The following LYPLAL1 variants were observed in gnomAD, a reference collection of about 807,000 sequenced individuals.
LYPLAL1 encodes the protein lysophospholipase like 1, also known as lysophospholipase-like protein 1.
LYPLAL1 carries 23 observed loss-of-function variants against 19.7 expected under a neutral mutation model. The observed-to-expected ratio is 1.17, with a 90% confidence interval of 0.84 to 1.65. The LOEUF (loss-of-function observed/expected upper bound fraction) is 1.65. Among genes scored for constraint, LYPLAL1 ranks in the 40% most tolerant of loss-of-function variants. LYPLAL1 has a pLI of 0.00. For synonymous variants in LYPLAL1, 119 were observed against 96.3 expected (o/e 1.24, Z -1.38); for missense variants, 355 against 279.4 (o/e 1.27, Z -1.93).
chr1:219,193,002 A>G, intron 2 of LYPLAL1, 80 bp from the exon 3 acceptor site: 1 of 1,347,786 alleles, frequency 7.4e-7, no homozygotes, highest in South Asian at 1.5e-5. Flanking sequence ...TCAAAACACT[A>G]TTATTTTGGT....
the LYPLAL1 span, among the ~76,000 whole-genome samples, chr1:219,355,217 G>A: frequency 2.0e-5 from 3 of 152,164 alleles, no homozygotes; most frequent in African/African-American, 7.2e-5. Flanking sequence ...ATTGAATTAA[G>A]GAACTGATAT....
the LYPLAL1 span, among the ~76,000 whole-genome samples, chr1:219,334,576 A>G: frequency 6.7e-6 from 1 of 149,650 alleles, no homozygotes; most frequent in Non-Finnish European, 1.5e-5. Flanking sequence ...CTGCATTTGC[A>G]TGGCATTTTG....
downstream of LYPLAL1, among the ~76,000 whole-genome samples, chr1:219,216,357 T>G (rs1418723356): frequency 2.0e-5 from 3 of 152,142 alleles, no homozygotes; most frequent in Non-Finnish European, 2.9e-5. Context: ...ATTTTTGGAT[T>G]TCTAAATATT....
At chr1:219,245,110 T>G in the LYPLAL1 span, among the ~76,000 whole-genome samples, 1 of 151,106 alleles carries the variant, frequency 6.6e-6, no homozygotes, top group African/African-American at 2.4e-5. Context: ...TTCCCTTCCT[T>G]TCTTCTGTTC....
At chr1:219,231,818 CTCTA>C in the LYPLAL1 span, among the ~76,000 whole-genome samples, 1 of 152,116 alleles carries the variant, frequency 6.6e-6, no homozygotes, top group East Asian at 1.9e-4. Context: ...CTATAGACAA[CTCTA>C]TATATGTTCT....
the LYPLAL1 span, among the ~76,000 whole-genome samples, chr1:219,382,424 A>G: frequency 1.6e-4 from 24 of 152,114 alleles, no homozygotes; most frequent in African/African-American, 5.1e-4. Context: ...CAGTGGCGCA[A>G]TCTTGGCTCA....
the LYPLAL1 span, among the ~76,000 whole-genome samples, chr1:219,224,793 A>G: frequency 1.3e-5 from 2 of 152,278 alleles, no homozygotes; most frequent in Non-Finnish European, 1.5e-5. Flanking sequence ...TAGCAGGCCC[A>G]ATCTAATGTT....
At chr1:219,358,337 A>G in the LYPLAL1 span, among the ~76,000 whole-genome samples, 1 of 152,208 alleles carries the variant, frequency 6.6e-6, no homozygotes. Flanking sequence ...CTGCACAAGT[A>G]CTGTACTCTA....
At chr1:219,239,430 G>A in the LYPLAL1 span, among the ~76,000 whole-genome samples, 1 of 152,130 alleles carries the variant, frequency 6.6e-6, no homozygotes, top group African/African-American at 2.4e-5. Context: ...AGAAGTAGAA[G>A]GGAAGACCAG....
chr1:219,384,653 C>A, the LYPLAL1 span, among the ~76,000 whole-genome samples: 1 of 152,270 alleles, frequency 6.6e-6, no homozygotes, highest in South Asian at 2.1e-4. Context: ...ATTTAAAGTG[C>A]TGTCAAGTAT....
the LYPLAL1 span, among the ~76,000 whole-genome samples, chr1:219,312,198 ACTT>A: frequency 6.6e-6 from 1 of 152,132 alleles, no homozygotes; most frequent in Non-Finnish European, 1.5e-5. Flanking sequence ...AGGGCACTGG[ACTT>A]CTGAGGAGAG....
intron 2 of LYPLAL1, among the ~76,000 whole-genome samples, chr1:219,190,504 G>A (rs1190700968): frequency 6.7e-6 from 1 of 150,244 alleles, no homozygotes; most frequent in African/African-American, 2.4e-5. Flanking sequence ...GAAAATCTGG[G>A]CTACTATATA....
chr1:219,241,128 CTCTCTCTA>C, the LYPLAL1 span, among the ~76,000 whole-genome samples: 795 of 81,188 alleles, frequency 9.8e-3, 6 homozygotes, highest in Middle Eastern at 0.023. Context: ...CTCTCTCTCT[CTCTCTCTA>C]TATATATATA....
At chr1:219,407,426 C>A in the LYPLAL1 span, among the ~76,000 whole-genome samples, 1 of 152,060 alleles carries the variant, frequency 6.6e-6, no homozygotes. Flanking sequence ...ATAACATTGA[C>A]TAAAACACCA....
the LYPLAL1 span, among the ~76,000 whole-genome samples, chr1:219,375,109 A>G: frequency 6.6e-4 from 101 of 152,306 alleles, no homozygotes; most frequent in Non-Finnish European, 4.6e-4. Context: ...TTGTCAACCA[A>G]TCTAATTTAG....
the LYPLAL1 span, among the ~76,000 whole-genome samples, chr1:219,256,102 G>T: frequency 0.26 from 39,963 of 151,586 alleles, 5,424 homozygotes; most frequent in Non-Finnish European, 0.31. Context: ...TTAGGGAAAT[G>T]ATCCTTTTTT....
the LYPLAL1 span, among the ~76,000 whole-genome samples, chr1:219,293,530 T>C: frequency 1.3e-5 from 2 of 152,146 alleles, no homozygotes. Flanking sequence ...TCTGTCACAA[T>C]TTGTTGTTTA....
chr1:219,390,486 C>T, the LYPLAL1 span, among the ~76,000 whole-genome samples: 1 of 152,184 alleles, frequency 6.6e-6, no homozygotes, highest in Admixed American at 6.5e-5. Flanking sequence ...GAGGGCAGTT[C>T]CATAAGATTA....
At chr1:219,325,874 A>G in the LYPLAL1 span, among the ~76,000 whole-genome samples, 1 of 152,176 alleles carries the variant, frequency 6.6e-6, no homozygotes. Flanking sequence ...GAAATATAAG[A>G]AATGACACAA....
Sources: gnomAD v4.1 joint callset for allele counts (sites outside exome capture counted in the v4.1 genomes callset) on GRCh38, gnomAD v4.1.1 for gene constraint, MANE v1.5 for transcripts, NCBI Gene and HGNC (gene_info 2026-07-23, HGNC 2026-07-21) for gene names.